GRIA3: variants seen among roughly 807,000 people sequenced by gnomAD.
GRIA3 encodes the protein glutamate ionotropic receptor AMPA type subunit 3, also known as glutamate receptor 3.
Under a neutral mutation model 63.0 loss-of-function variants are expected in GRIA3, and 3 were observed. The observed-to-expected ratio is 0.05, with a 90% confidence interval of 0.02 to 0.12. The LOEUF (loss-of-function observed/expected upper bound fraction) is 0.12, where lower values mean the gene tolerates loss of function less well. Ranked by LOEUF, GRIA3 falls within the 10% of genes least tolerant of loss-of-function variation. The pLI is 1.00. For synonymous variants in GRIA3, 274 were observed against 257.9 expected (o/e 1.06, Z -0.60); for missense variants, 347 against 700.9 (o/e 0.50, Z 5.70).
At chrX:123,337,592 G>A (rs7058032) in intron 4 of GRIA3, among the ~76,000 whole-genome samples, 22,869 of 110,851 alleles carry the variant, frequency 0.21, 1,844 homozygotes, top group South Asian at 0.31. Flanking sequence ...ACACATTTGC[G>A]AGGTAAATAA....
intron 4 of GRIA3, among the ~76,000 whole-genome samples, chrX:123,337,133 G>C (rs1307029226): frequency 3.6e-5 from 4 of 111,844 alleles, no homozygotes; most frequent in African/African-American, 9.8e-5. Context: ...ACCTGTGAAA[G>C]TGGCTAGGAC....
At chrX:123,381,205 C>T (rs2045322326) in intron 5 of GRIA3, among the ~76,000 whole-genome samples, 1 of 110,937 alleles carries the variant, frequency 9.0e-6, no homozygotes, top group Admixed American at 9.6e-5. Context: ...TGTGATCCAA[C>T]AGCCTAAGGA....
chrX:123,219,944 G>A (rs181138694), intron 2 of GRIA3, among the ~76,000 whole-genome samples: 133 of 112,261 alleles, frequency 1.2e-3, no homozygotes, highest in African/African-American at 3.8e-3. Flanking sequence ...GGAGCAGAAC[G>A]TCCACGACCT....
At chrX:123,451,708 G>C (rs1231699553) in intron 12 of GRIA3, among the ~76,000 whole-genome samples, 5 of 108,194 alleles carry the variant, frequency 4.6e-5, no homozygotes, top group Non-Finnish European at 9.6e-5. Context: ...AAAGGATTTT[G>C]ACCTGAGCAA....
At chrX:123,269,515 C>G (rs1283231991) in intron 3 of GRIA3, among the ~76,000 whole-genome samples, 2 of 111,656 alleles carry the variant, frequency 1.8e-5, no homozygotes, top group African/African-American at 3.3e-5. Context: ...CTCCAATGTG[C>G]TAATTTTGGT....
intron 3 of GRIA3, among the ~76,000 whole-genome samples, chrX:123,310,453 C>A (rs1228592163): frequency 8.8e-6 from 1 of 112,998 alleles, no homozygotes; most frequent in African/African-American, 3.2e-5. Context: ...TCCATCTTGG[C>A]CAGCCAACCT....
At chrX:123,342,173 CA>C (rs1162020182) in intron 4 of GRIA3, among the ~76,000 whole-genome samples, 3 of 112,150 alleles carry the variant, frequency 2.7e-5, no homozygotes, top group Non-Finnish European at 5.6e-5. Flanking sequence ...ATGCCTGCCC[CA>C]ATCAGCGCCC....
At chrX:123,200,582 TATACATATACACACACACAC>T (rs1246137205) in intron 2 of GRIA3, among the ~76,000 whole-genome samples, 1 of 92,565 alleles carries the variant, frequency 1.1e-5, no homozygotes, top group Non-Finnish European at 2.1e-5. Context: ...AGCCCATATA[TATACATATACACACACACAC>T]ATACATACAC....
intron 5 of GRIA3, among the ~76,000 whole-genome samples, chrX:123,359,389 G>A (rs755521413): frequency 1.9e-3 from 216 of 111,436 alleles, no homozygotes; most frequent in Non-Finnish European, 3.4e-3. Context: ...CTAGAATTTG[G>A]AAAATACACC....
chrX:123,426,008 C>G (rs1462077466), intron 11 of GRIA3, among the ~76,000 whole-genome samples: 1 of 31,489 alleles, frequency 3.2e-5, no homozygotes, highest in Non-Finnish European at 9.1e-5. Flanking sequence ...AATGCTGGTA[C>G]AGACAGAGAA....
At chrX:123,433,764 T>G (rs1237599517) in intron 12 of GRIA3, among the ~76,000 whole-genome samples, 2 of 112,114 alleles carry the variant, frequency 1.8e-5, no homozygotes, top group African/African-American at 6.5e-5. Context: ...GAATTGAACT[T>G]TATTAGGAGA....
intron 11 of GRIA3, among the ~76,000 whole-genome samples, chrX:123,424,352 G>A (rs1193668826): frequency 1.8e-5 from 2 of 111,750 alleles, no homozygotes; most frequent in Non-Finnish European, 3.8e-5. Flanking sequence ...ATGTAAAAAT[G>A]CCTATGGAGC....
chrX:123,485,373 C>A lies in GRIA3; in HGVS notation c.*2+2327C>A, dbSNP rs143560471. ...TCAGGCAATTATCAGTAAGACCCAG[C>A]CCATGAAGTGACTTACTCAAGGCAA... is the stretch of plus-strand genomic sequence containing the variant. On this transcript the variant is annotated intron_variant, in intron 15 of 15. Transcript: ENST00000620443. Among the ~76,000 whole-genome samples, 755 of 111,864 alleles carry A rather than the reference C, an allele frequency of 6.7e-3. 8 individuals are homozygous for A. Among genetic ancestry groups the A allele is most frequent in the African/African-American group, 0.023 (709 of 30,723 alleles).
At chrX:123,372,538 T>C in intron 5 of GRIA3, among the ~76,000 whole-genome samples, 1 of 112,274 alleles carries the variant, frequency 8.9e-6, no homozygotes, top group Admixed American at 9.4e-5. Context: ...TGTGTGTCCT[T>C]GTGAATTTCT....
At chrX:123,445,278 G>A (rs186268195) in intron 12 of GRIA3, among the ~76,000 whole-genome samples, 319 of 111,732 alleles carry the variant, frequency 2.9e-3, no homozygotes, top group African/African-American at 0.01. Flanking sequence ...GCAGAAAAGA[G>A]AACTCTGCCC....
At chrX:123,329,935 C>T (rs1337354607) in intron 4 of GRIA3, among the ~76,000 whole-genome samples, 2 of 111,796 alleles carry the variant, frequency 1.8e-5, no homozygotes, top group African/African-American at 6.5e-5. Context: ...TACCTTATGG[C>T]TTTGTTGCAC....
At chrX:123,375,106 T>C (rs2045275795) in intron 5 of GRIA3, among the ~76,000 whole-genome samples, 1 of 112,010 alleles carries the variant, frequency 8.9e-6, no homozygotes, top group Non-Finnish European at 1.9e-5. Flanking sequence ...TTGAGGTATG[T>C]TCCTTCTATA....
chrX:123,463,550 CG>C (rs2045805528), intron 12 of GRIA3, among the ~76,000 whole-genome samples: 1 of 29,111 alleles, frequency 3.4e-5, no homozygotes, highest in African/African-American at 2.6e-4. Flanking sequence ...ACGAAAGAAG[CG>C]AAGGAAGGAA....
intron 2 of GRIA3, among the ~76,000 whole-genome samples, chrX:123,220,607 T>C (rs1215392556): frequency 8.9e-6 from 1 of 111,775 alleles, no homozygotes; most frequent in Non-Finnish European, 1.9e-5. Context: ...CTAATATAAA[T>C]GGATTCCTCC....
Sources: gnomAD v4.1 joint callset for allele counts (sites outside exome capture counted in the v4.1 genomes callset) on GRCh38, gnomAD v4.1.1 for gene constraint, MANE v1.5 for transcripts, NCBI Gene and HGNC (gene_info 2026-07-23, HGNC 2026-07-21) for gene names.